Variants in C19orf38 observed in about 807,000 individuals in gnomAD.
C19orf38 encodes the protein protein HIDE1.
In C19orf38, 14 loss-of-function variants were observed where a neutral mutation model predicts 26.6. That is an observed-to-expected ratio of 0.53 (90% CI 0.35 to 0.82). The LOEUF is 0.82. C19orf38 is among the 40% of genes least tolerant of loss of function. C19orf38 has a pLI of 0.01. For missense variants in C19orf38, 261 were observed against 299.5 expected (o/e 0.87, Z 0.95); for synonymous variants, 132 against 128.5 (o/e 1.03, Z -0.18).
chr19:10,837,951 C>T (rs935326028), intron 1 of C19orf38, among the ~76,000 whole-genome samples: 3 of 152,066 alleles, frequency 2.0e-5, no homozygotes, highest in African/African-American at 7.2e-5. Flanking sequence ...AGGTGTACAC[C>T]TCCATGCCTA....
At chr19:10,859,793 CAGTG>C (rs1489752781) in intron 4 of C19orf38, 118 bp from the exon 5 acceptor site, 1 of 816,692 alleles carries the variant, frequency 1.2e-6, no homozygotes, top group African/African-American at 1.7e-5. Flanking sequence ...ACCCATGGGT[CAGTG>C]GGTGGGGAGC....
At chr19:10,853,207 C>T (rs1330390082) in intron 2 of C19orf38, among the ~76,000 whole-genome samples, 6 of 151,914 alleles carry the variant, frequency 3.9e-5, no homozygotes, top group African/African-American at 1.5e-4. Context: ...GGACTACAGC[C>T]GTGCACCACC....
chr19:10,853,566 G>T (rs974157103), intron 2 of C19orf38, among the ~76,000 whole-genome samples: 1 of 151,024 alleles, frequency 6.6e-6, no homozygotes, highest in South Asian at 2.1e-4. Flanking sequence ...AATTACAGGC[G>T]TGAGCCACCA....
At position 10,850,457 on chromosome 19, in the gene C19orf38, G is replaced by T; in HGVS notation, c.230G>T (p.Gly77Val). 6.4e-7 allele frequency: 1 copy of T among 1,551,530 alleles called. No homozygotes were observed. The highest frequency in any genetic ancestry group is 1.4e-5 in the African/African-American group (1 of 73,144). ...GGGGTGACATTTAACCTGAGCGGCG[G>T]CAGCAGCAAGGCTCCAGGGGGACCC... Reference protein sequence around the residue: ...QRGVTFNLSGGSSKAPGGPFH... With the variant: ...QRGVTFNLSGVSSKAPGGPFH... Residue 77 changes from glycine (G) to valine (V), a missense_variant, in exon 2 of 7, where the codon GGC becomes GTC. Transcript: ENST00000397820.
intron 3 of C19orf38, among the ~76,000 whole-genome samples, chr19:10,857,895 AAAGAAAG>A (rs2073646534): frequency 8.4e-5 from 2 of 23,912 alleles, no homozygotes; most frequent in Admixed American, 3.4e-4. Context: ...AACAACAAAA[AAAGAAAG>A]AAAGAAAGAA....
intron 4 of C19orf38, among the ~76,000 whole-genome samples, chr19:10,859,244 A>ATATGTG (rs1456104151): frequency 1.7e-5 from 2 of 119,392 alleles, no homozygotes; most frequent in African/African-American, 6.4e-5. Flanking sequence ...GCTTTTATAT[A>ATATGTG]TGTGTGTGTG....
At chr19:10,847,947 C>T (rs532625874), upstream of C19orf38, among the ~76,000 whole-genome samples, 10 of 152,028 alleles carry the variant, frequency 6.6e-5, no homozygotes, top group Non-Finnish European at 1.3e-4. Context: ...AATCCCAGCA[C>T]TTTGGGAGGC....
At chr19:10,860,492 G>A (rs367978805) in intron 5 of C19orf38, among the ~76,000 whole-genome samples, 2 of 127,402 alleles carry the variant, frequency 1.6e-5, no homozygotes, top group South Asian at 2.6e-4. Flanking sequence ...CTGAGATTGC[G>A]CCACTGCACT....
intron 5 of C19orf38, 53 bp downstream of exon 5, chr19:10,860,011 T>A (rs1251386404): frequency 6.7e-7 from 1 of 1,501,596 alleles, no homozygotes; most frequent in Non-Finnish European, 9.1e-7. Context: ...CACCTCCAAA[T>A]GCCATCAGGC....
chr19:10,859,977 C>G lies in C19orf38; in HGVS notation c.505+19C>G. The G allele has an allele frequency of 2.6e-6, 4 of 1,548,394 alleles. No individual in the cohort carries two copies. The highest frequency in any genetic ancestry group is 3.5e-6 in the Non-Finnish European group (4 of 1,143,822). ...AGCACAGGTCTGTGCCTCCACACTCCTGACTCCAGTGGGGAAAGGATTACA... is the reference window on the plus strand; with the variant it reads ...AGCACAGGTCTGTGCCTCCACACTCGTGACTCCAGTGGGGAAAGGATTACA... On this transcript the variant is annotated intron_variant, in intron 5 of 6. Coordinates refer to ENST00000397820, the MANE Select transcript of C19orf38 (RefSeq NM_001136482.3).
upstream of C19orf38, among the ~76,000 whole-genome samples, chr19:10,847,631 AG>A (rs2073529304): frequency 6.6e-6 from 1 of 150,792 alleles, no homozygotes; most frequent in African/African-American, 2.4e-5. Context: ...AGCCTCCCAA[AG>A]TGCTGGGATT....
intron 6 of C19orf38, among the ~76,000 whole-genome samples, chr19:10,866,909 G>C (rs2073757309): frequency 6.6e-6 from 1 of 151,942 alleles, no homozygotes; most frequent in Non-Finnish European, 1.5e-5. Context: ...CCAAAGTGTT[G>C]GGATTATAAG....
intron 3 of C19orf38, among the ~76,000 whole-genome samples, chr19:10,857,366 ATTTTT>A (rs773726753): frequency 5.0e-4 from 28 of 56,062 alleles, no homozygotes; most frequent in Non-Finnish European, 5.8e-4. Flanking sequence ...ATATATATAT[ATTTTT>A]TTTTTTTTTT....
chr19:10,861,097 T>G (rs1487043857), intron 5 of C19orf38, among the ~76,000 whole-genome samples: 1 of 151,162 alleles, frequency 6.6e-6, no homozygotes, highest in Non-Finnish European at 1.5e-5. Flanking sequence ...GAGCCAAGAT[T>G]GCGCCACTGC....
At chr19:10,850,688 TAC>T (rs921280757) in intron 2 of C19orf38, 121 bp downstream of exon 2, 20 of 1,061,474 alleles carry the variant, frequency 1.9e-5, no homozygotes, top group Non-Finnish European at 2.6e-5. Flanking sequence ...TGCCAGGACT[TAC>T]TCGCCTTTCC....
chr19:10,863,448 A>C (rs537680003), intron 6 of C19orf38, among the ~76,000 whole-genome samples: 1 of 152,298 alleles, frequency 6.6e-6, no homozygotes, highest in African/African-American at 2.4e-5. Context: ...GGCCACAGGC[A>C]GGCAGGCCCC....
intron 1 of C19orf38, among the ~76,000 whole-genome samples, chr19:10,839,329 C>T (rs1053356835): frequency 1.3e-5 from 2 of 152,198 alleles, no homozygotes; most frequent in African/African-American, 4.8e-5. Flanking sequence ...AGCATTCCCA[C>T]GTGCAAGCTT....
chr19:10,838,920 CT>C lies in C19orf38; in HGVS notation c.-69+2162del, dbSNP rs975765401. 1.6e-3 allele frequency among the ~76,000 whole-genome samples: 224 copies of C among 143,350 alleles called. 1 individual carries two copies. The highest frequency in any genetic ancestry group is 3.6e-3 in the Middle Eastern group (1 of 276). The allele number at this position is 143,350 out of a possible 152,430, so 94.0% of individuals were successfully genotyped here. ...CGCCCATTTCTTTTTCTTTTTTTTT[CT>C]TTTTTTTTTTTGAGACAGAGTCTTG... On this transcript the variant is annotated intron_variant, in intron 1 of 7. Transcript: ENST00000592854.
At chr19:10,845,960 C>G (rs2073512845), upstream of C19orf38, among the ~76,000 whole-genome samples, 1 of 150,506 alleles carries the variant, frequency 6.6e-6, no homozygotes, top group East Asian at 2.0e-4. Context: ...AGGAGGATTG[C>G]TTGAGCCCAG....
Sources: gnomAD v4.1 joint callset for allele counts (sites outside exome capture counted in the v4.1 genomes callset) on GRCh38, gnomAD v4.1.1 for gene constraint, MANE v1.5 for transcripts, NCBI Gene and HGNC (gene_info 2026-07-23, HGNC 2026-07-21) for gene names.